The following PCDH15 variants were observed in gnomAD, a reference collection of about 807,000 sequenced individuals.
PCDH15 encodes the protein protocadherin-15.
Under a neutral mutation model 178.5 loss-of-function variants are expected in PCDH15, and 129 were observed. The observed-to-expected ratio is 0.72, with a 90% CI of 0.63 to 0.84. The LOEUF (loss-of-function observed/expected upper bound fraction) is 0.84, where lower values mean the gene tolerates loss of function less well. Among genes scored for constraint, PCDH15 ranks in the 40% least tolerant of loss-of-function variants. The pLI is 0.00. For missense variants in PCDH15, 2,230 were observed against 2,099.9 expected (o/e 1.06, Z -1.21); for synonymous variants, 800 against 732.0 (o/e 1.09, Z -1.50).
At chr10:55,171,056 C>A (rs1299324481) in intron 1 of PCDH15, among the ~76,000 whole-genome samples, 1 of 152,170 alleles carries the variant, frequency 6.6e-6, no homozygotes, top group African/African-American at 2.4e-5. Flanking sequence ...TGCCCTAGGG[C>A]ACTGACCTTA....
chr10:54,777,732 G>T (rs1566214042), intron 1 of PCDH15, among the ~76,000 whole-genome samples: 1 of 151,786 alleles, frequency 6.6e-6, no homozygotes, highest in Non-Finnish European at 1.5e-5. Context: ...TTCTGTAGCT[G>T]CCTTTTGTAC....
chr10:54,661,660 A>C (rs1217119649), intron 2 of PCDH15, among the ~76,000 whole-genome samples: 1 of 151,928 alleles, frequency 6.6e-6, no homozygotes, highest in South Asian at 2.1e-4. Context: ...CTATAAGGCT[A>C]TAATAAAAAA....
chr10:54,534,980 A>T (rs2084320829), intron 2 of PCDH15, among the ~76,000 whole-genome samples: 1 of 152,186 alleles, frequency 6.6e-6, no homozygotes, highest in Non-Finnish European at 1.5e-5. Context: ...AAACTAATGG[A>T]AAAAGACAAT....
intron 1 of PCDH15, among the ~76,000 whole-genome samples, chr10:55,177,485 G>T (rs1485123397): frequency 6.6e-6 from 1 of 152,174 alleles, no homozygotes; most frequent in Non-Finnish European, 1.5e-5. Context: ...ATCTAAGCAA[G>T]GAGCTTGATT....
chr10:55,343,446 T>A (rs568968063), intron 2 of PCDH15, among the ~76,000 whole-genome samples: 2 of 152,168 alleles, frequency 1.3e-5, no homozygotes, highest in Non-Finnish European at 2.9e-5. Flanking sequence ...CTACCAAATA[T>A]CTTTCTCTCT....
intron 8 of PCDH15, among the ~76,000 whole-genome samples, chr10:54,280,739 T>C (rs144474340): frequency 3.7e-4 from 56 of 151,942 alleles, no homozygotes; most frequent in African/African-American, 1.3e-3. Flanking sequence ...CGGCTTTTCG[T>C]AGATGTTCCT....
chr10:55,312,621 GT>G (rs200245300), intron 1 of PCDH15, among the ~76,000 whole-genome samples: 18,290 of 145,054 alleles, frequency 0.13, 1,837 homozygotes, highest in African/African-American at 0.29. Context: ...AAGTAATAGA[GT>G]TTTTTTTTTT....
Position 54,635,248 on chromosome 10 carries a change from A to G in PCDH15, c.91+28924T>C, listed in dbSNP as rs147571160. On this transcript the variant is annotated intron_variant, in intron 2 of 37. Coordinates refer to ENST00000644397, the MANE Select transcript of PCDH15 (RefSeq NM_001384140.1). ...ACTCAGTCAAGTCAAAGCTAAAATG[A>G]AAGCAATTATTTTAGAGACCTATGT... Among the ~76,000 whole-genome samples the G allele has an allele frequency of 4.3e-3, 653 of 151,636 alleles. 4 individuals carry two copies. Among genetic ancestry groups the G allele is most frequent in the African/African-American group, 0.014 (597 of 41,508 alleles).
chr10:54,519,056 T>G lies in PCDH15; in HGVS notation c.157+8756A>C, dbSNP rs1183948869. On this transcript the variant is annotated intron_variant, in intron 3 of 37. Coordinates refer to ENST00000644397, the MANE Select transcript of PCDH15 (RefSeq NM_001384140.1). The stretch of plus-strand genomic sequence containing the variant: ...TCAATAAATTAGGTATTGATGGGAC[T>G]TATCTCAAAATAATAAGCGCTATCT... 2.0e-4 allele frequency among the ~76,000 whole-genome samples: 31 copies of G among 152,158 alleles called. No individual in the cohort carries two copies. In the East Asian group the frequency reaches 3.5e-3, roughly 17 times the overall value.
At chr10:54,570,825 TTTTC>T (rs1160161685) in intron 2 of PCDH15, among the ~76,000 whole-genome samples, 1 of 144,884 alleles carries the variant, frequency 6.9e-6, no homozygotes, top group Non-Finnish European at 1.5e-5. Flanking sequence ...CTATTTTTTT[TTTTC>T]TTTTTTTTTT....
At chr10:54,784,588 G>T in intron 1 of PCDH15, among the ~76,000 whole-genome samples, 1 of 151,936 alleles carries the variant, frequency 6.6e-6, no homozygotes, top group East Asian at 1.9e-4. Context: ...CACTAGATTG[G>T]CCTGAAAATA....
chr10:55,320,676 G>A (rs140192976), upstream of PCDH15, among the ~76,000 whole-genome samples: 774 of 152,180 alleles, frequency 5.1e-3, 8 homozygotes, highest in African/African-American at 0.018. Flanking sequence ...CAGAGCCTTG[G>A]CTCCCTAAAG....
chr10:54,750,072 G>A (rs1946004089), intron 1 of PCDH15, among the ~76,000 whole-genome samples: 1 of 151,820 alleles, frequency 6.6e-6, no homozygotes, highest in Non-Finnish European at 1.5e-5. Flanking sequence ...TACTACCTAG[G>A]TACATGAAGC....
intron 3 of PCDH15, among the ~76,000 whole-genome samples, chr10:54,813,029 G>T (rs1952890083): frequency 6.6e-6 from 1 of 151,846 alleles, no homozygotes; most frequent in Non-Finnish European, 1.5e-5. Flanking sequence ...CCCTTTCTTT[G>T]CCTTTGGCTT....
At chr10:54,129,362 T>C (rs988515704) in intron 15 of PCDH15, among the ~76,000 whole-genome samples, 83 of 152,312 alleles carry the variant, frequency 5.4e-4, no homozygotes, top group Middle Eastern at 6.8e-3. Context: ...CAAACTCTAT[T>C]GAACTAACCC....
chr10:55,377,497 AT>A (rs760220513), intron 2 of PCDH15, among the ~76,000 whole-genome samples: 1 of 151,888 alleles, frequency 6.6e-6, no homozygotes, highest in Non-Finnish European at 1.5e-5. Context: ...TAATTACTAT[AT>A]TTTTTATATT....
chr10:55,018,346 T>C (rs1840235743), intron 2 of PCDH15, among the ~76,000 whole-genome samples: 1 of 152,144 alleles, frequency 6.6e-6, no homozygotes, highest in Non-Finnish European at 1.5e-5. Context: ...TAAAATGATG[T>C]TGTATTTGCA....
At chr10:55,219,147 A>T (rs1384852689) in intron 1 of PCDH15, among the ~76,000 whole-genome samples, 1 of 151,968 alleles carries the variant, frequency 6.6e-6, no homozygotes, top group Non-Finnish European at 1.5e-5. Flanking sequence ...CACTAATCTC[A>T]GTATGTTTCA....
chr10:54,654,377 G>GAGT (rs138233658), intron 2 of PCDH15, among the ~76,000 whole-genome samples: 13,516 of 152,180 alleles, frequency 0.089, 724 homozygotes, highest in South Asian at 0.15. Context: ...CCAGAAGATG[G>GAGT]AGAAGTCTGA....
Sources: allele counts gnomAD v4.1 joint callset (sites outside exome capture counted in the v4.1 genomes callset), GRCh38; gene constraint gnomAD v4.1.1; transcripts MANE v1.5; gene names NCBI Gene and HGNC (gene_info 2026-07-23, HGNC 2026-07-21).